The following GH1 variants were observed in gnomAD, a reference collection of about 807,000 sequenced individuals.
GH1 encodes the protein growth hormone 1, also known as somatotropin.
A neutral mutation model predicts 24.5 loss-of-function variants in GH1; 13 were observed. That is an observed-to-expected ratio of 0.53 (90% CI 0.35 to 0.85). GH1 has a LOEUF of 0.85. Ranked by LOEUF, GH1 falls within the 40% of genes least tolerant of loss-of-function variation. The pLI is 0.01. For missense variants in GH1, 294 were observed against 273.2 expected, an observed-to-expected ratio of 1.08 and a Z score of -0.54; for synonymous variants, 126 against 116.3, an observed-to-expected ratio of 1.08 and a Z score of -0.54.
chr17:63,918,143 G>A lies in GH1; in HGVS notation c.172-7C>T, dbSNP rs1907479539. 1.2e-6 allele frequency: 2 copies of A among 1,614,120 alleles called. No individual in the cohort carries two copies. The highest frequency in any genetic ancestry group is 1.7e-6 in the Non-Finnish European group (2 of 1,180,024). On this transcript the variant is annotated splice_polypyrimidine_tract_variant and splice_region_variant and intron_variant, in intron 2 of 4. Transcript: ENST00000323322. ...TTGGGATATAGGCTTCTTCCTAGGA[G>A]AAGGACCGCCCACCAAGGTCTACGC...
intron 4 of GH1, 58 bp from the exon 5 acceptor site, chr17:63,917,564 T>C: frequency 6.2e-7 from 1 of 1,613,916 alleles, no homozygotes; most frequent in Non-Finnish European, 8.5e-7. Context: ...TCCCTCCCTT[T>C]CTCATTCATT....
rs1321094338 is a variant in GH1, at chr17:63,918,418, G to C, written c.99C>G (p.Ser33=). 2.5e-6 allele frequency: 4 copies of C among 1,614,070 alleles called. No individual in the cohort carries two copies. The highest frequency in any genetic ancestry group is 3.4e-6 in the Non-Finnish European group (4 of 1,180,042). ...GGAGCATAGCGTTGTCAAAAAGCCTGGATAAGGGAATGGTTGGGAAGGCAC... is the reference window on the plus strand; with the variant it reads ...GGAGCATAGCGTTGTCAAAAAGCCTCGATAAGGGAATGGTTGGGAAGGCAC... ...EGSAFPTIPL[S]RLFDNAMLRA... The change falls in exon 2 of 5, where the codon TCC becomes TCG. Residue 33 remains serine (S), a synonymous_variant. Coordinates refer to ENST00000323322, the MANE Select transcript of GH1 (RefSeq NM_000515.5).
Position 63,917,276 on chromosome 17 carries a change from T to G in GH1, c.*33A>C. The G allele has an allele frequency of 2.5e-6, 4 of 1,613,948 alleles. No individual in the cohort carries two copies. The highest frequency in any genetic ancestry group is 3.4e-6 in the Non-Finnish European group (4 of 1,179,866). Reference sequence around the variant, plus strand: ...CAACTTCCAGGGCCAGGAGAGGCACTGGGGAGGGGTCACAGGGATGCCACC... The same window carrying G: ...CAACTTCCAGGGCCAGGAGAGGCACGGGGGAGGGGTCACAGGGATGCCACC... On this transcript the variant is annotated 3_prime_UTR_variant, in exon 5 of 5. Transcript: ENST00000323322.
At chr17:63,918,172 A>G (rs1217777242) in intron 2 of GH1, 36 bp from the exon 3 acceptor site, 20 of 1,614,140 alleles carry the variant, frequency 1.2e-5, no homozygotes, top group Non-Finnish European at 1.7e-5. Flanking sequence ...TCTACGCTGG[A>G]GACCAGCTCC....
rs1296382643 is a variant in GH1, at chr17:63,917,277, G to A, written c.*32C>T. 1 of 1,613,954 alleles carries A rather than the reference G, an allele frequency of 6.2e-7. No individual in the cohort carries two copies. The highest frequency in any genetic ancestry group is 1.7e-5 in the Admixed American group (1 of 60,018). ...AACTTCCAGGGCCAGGAGAGGCACT[G>A]GGGAGGGGTCACAGGGATGCCACCC... On this transcript the variant is annotated 3_prime_UTR_variant, in exon 5 of 5. Coordinates refer to ENST00000323322, the MANE Select transcript of GH1 (RefSeq NM_000515.5).
At chr17:63,917,992 G>T (rs374293003) in intron 3 of GH1, 25 bp downstream of exon 3, 1 of 1,614,170 alleles carries the variant, frequency 6.2e-7, no homozygotes, top group Admixed American at 1.7e-5. Context: ...CCCCATCCCC[G>T]CCTGGGGAGA....
rs1907469721 is a variant in GH1, at chr17:63,918,042, T to C, written c.266A>G (p.Asn89Ser). Residue 89 changes from asparagine (N) to serine (S), a missense_variant, in exon 3 of 5, where the codon AAC (asparagine) becomes AGC (serine). Transcript: ENST00000323322. ...GGATTTCTGTTGTGTTTCCTCCCTG[T>C]TGGAGGGTGTCGGAATAGACTCTGA... is the stretch of plus-strand genomic sequence containing the variant. ...CFSESIPTPS[N>S]REETQQKSNL... 2 of 1,614,114 alleles carry C rather than the reference T, an allele frequency of 1.2e-6. No individual in the cohort carries two copies. Among genetic ancestry groups the C allele is most frequent in the African/African-American group, 2.7e-5 (2 of 75,026 alleles).
Position 63,917,312 on chromosome 17 carries a change from G to C in GH1, c.651C>G (p.Phe217Leu). ...CACAGGGATGCCACCCGGGCAGCTAGAAGCCACAGCTGCCCTCCACAGAGC... is the reference window on the plus strand; with the variant it reads ...CACAGGGATGCCACCCGGGCAGCTACAAGCCACAGCTGCCCTCCACAGAGC... ...QCRSVEGSCGF is the reference protein window; with the variant it reads ...QCRSVEGSCGL Residue 217 changes from phenylalanine (F) to leucine (L), a missense_variant, in exon 5 of 5, where the codon TTC becomes TTG. Transcript: ENST00000323322. The C allele has an allele frequency of 6.2e-7, 1 of 1,614,078 alleles. No homozygotes were observed. Among genetic ancestry groups the C allele is most frequent in the Non-Finnish European group, 8.5e-7 (1 of 1,179,938 alleles).
Position 63,918,773 on chromosome 17 carries a change from C to T in GH1, c.4G>A (p.Ala2Thr), listed in dbSNP as rs1441638629. The change falls in exon 1 of 5, where the codon GCT becomes ACT. Residue 2 changes from alanine to threonine, a missense_variant. By Grantham distance (58) the Ala-to-Thr change is moderately conservative (BLOSUM62 0). Transcript: ENST00000323322. Reference protein sequence around the residue: MATGSRTSLLLA... With the variant: MTTGSRTSLLLA... Reference sequence around the variant, plus strand: ...GGATTTTAGGGGCGCTTACCTGTAGCCATTGCAGCTAGGTGAGCTGTCCAC... The same window carrying T: ...GGATTTTAGGGGCGCTTACCTGTAGTCATTGCAGCTAGGTGAGCTGTCCAC... The T allele has an allele frequency of 1.6e-5, 26 of 1,613,890 alleles. No individual in the cohort carries two copies. Among genetic ancestry groups the T allele is most frequent in the Non-Finnish European group, 2.1e-5 (25 of 1,179,882 alleles).
In GH1 at chr17:63,918,794, T is replaced by C. The variant is rs1176242310; in HGVS notation, c.-18A>G. ...GTAGCCATTGCAGCTAGGTGAGCTG[T>C]CCACAGGACCCTGAGTGGTTCGGGG... On this transcript the variant is annotated 5_prime_UTR_variant, in exon 1 of 5. Coordinates refer to ENST00000323322, the MANE Select transcript of GH1 (RefSeq NM_000515.5). 7.4e-6 allele frequency: 12 copies of C among 1,613,838 alleles called. No individual in the cohort carries two copies. Among genetic ancestry groups the C allele is most frequent in the African/African-American group, 1.3e-5 (1 of 74,904 alleles).
At chr17:63,918,595 C>T in intron 1 of GH1, 89 bp from the exon 2 acceptor site, 2 of 1,610,884 alleles carry the variant, frequency 1.2e-6, no homozygotes, top group Non-Finnish European at 1.7e-6. Context: ...TTTTCTCTCT[C>T]CATCCCTCCA....
In GH1 at chr17:63,917,304, G is replaced by A; in HGVS notation, c.*5C>T. 1 of 1,614,068 alleles carries A rather than the reference G, an allele frequency of 6.2e-7. No homozygotes were observed. ...GGAGGGGTCACAGGGATGCCACCCG[G>A]GCAGCTAGAAGCCACAGCTGCCCTC... On this transcript the variant is annotated 3_prime_UTR_variant, in exon 5 of 5. Transcript: ENST00000323322.
In GH1 at chr17:63,917,400, A is replaced by G. The variant is rs759813905; in HGVS notation, c.563T>C (p.Leu188Pro). Residue 188 changes from leucine (L) to proline (P), a missense_variant, in exon 5 of 5, where the codon CTG becomes CCG. Coordinates refer to ENST00000323322, the MANE Select transcript of GH1 (RefSeq NM_000515.5). ...CATGTCCTTCCTGAAGCAGTAGAGC[A>G]GCCCGTAGTTCTTGAGTAGTGCGTC... ...NDDALLKNYG[L>P]LYCFRKDMDK... is the part of the protein sequence containing the mutation. 2.5e-6 allele frequency: 4 copies of G among 1,613,988 alleles called. No homozygotes were observed. The highest frequency in any genetic ancestry group is 2.5e-6 in the Non-Finnish European group (3 of 1,179,864).
rs41295039 is a variant in GH1, at chr17:63,917,940, G to C, written c.292-16C>G. 1,049 of 1,613,740 alleles carry C rather than the reference G, an allele frequency of 6.5e-4. 4 individuals carry two copies. The highest frequency in any genetic ancestry group is 3.5e-3 in the Admixed American group (210 of 60,016). On this transcript the variant is annotated splice_polypyrimidine_tract_variant and intron_variant, in intron 3 of 4. Transcript: ENST00000323322. ...GCTCTAGGTTCTGCAGGGGAAGGAC[G>C]GGCATTGGCTGTGCTGCCCGGGGGC...
At chr17:63,918,291 G>A (rs868497326) in intron 2 of GH1, 55 bp downstream of exon 2, 1 of 1,612,394 alleles carries the variant, frequency 6.2e-7, no homozygotes, top group Non-Finnish European at 8.5e-7. Context: ...TCCCAGCGGG[G>A]GAAAGTCACC....
Position 63,917,309 on chromosome 17 carries a change from C to G in GH1, c.654G>C (p.Ter218TyrextTer?). 1.2e-6 allele frequency: 2 copies of G among 1,614,066 alleles called. No individual in the cohort carries two copies. Among genetic ancestry groups the G allele is most frequent in the East Asian group, 2.2e-5 (1 of 44,880 alleles). The change falls in exon 5 of 5, where the codon TAG (stop) becomes TAC (tyrosine). Residue 218 changes from the stop codon to tyrosine, a stop_lost. Transcript: ENST00000323322. ...GGTCACAGGGATGCCACCCGGGCAGCTAGAAGCCACAGCTGCCCTCCACAG... is the reference window on the plus strand; with the variant it reads ...GGTCACAGGGATGCCACCCGGGCAGGTAGAAGCCACAGCTGCCCTCCACAG... Reference protein sequence around the residue: ...CRSVEGSCGF* With the variant: ...CRSVEGSCGFY
At position 63,918,520 on chromosome 17, in the gene GH1, A is replaced by G. The variant is rs41295029; in HGVS notation, c.11-14T>C. On this transcript the variant is annotated splice_polypyrimidine_tract_variant and intron_variant, in intron 1 of 4. Transcript: ENST00000323322. ...ACGTCCGGGAGCCTGGGGAGAAACC[A>G]GAGGGCAACAGAGGGAGCCGGAGAG... The G allele has an allele frequency of 2.1e-4, 336 of 1,613,748 alleles. 2 individuals are homozygous for G. Among genetic ancestry groups the G allele is most frequent in the Middle Eastern group, 8.7e-4 (5 of 5,762 alleles).
Position 63,918,113 on chromosome 17 carries a change from T to G in GH1, c.195A>C (p.Glu65Asp), listed in dbSNP as rs530697485. Residue 65 changes from glutamate (E) to aspartate (D), a missense_variant, in exon 3 of 5, where the codon GAA becomes GAC. Coordinates refer to ENST00000323322, the MANE Select transcript of GH1 (RefSeq NM_000515.5). ...QEFEEAYIPKEQKYSFLQNPQ... is the reference protein window; with the variant it reads ...QEFEEAYIPKDQKYSFLQNPQ... Reference sequence around the variant, plus strand: ...GGTTCTGCAGGAATGAATACTTCTGTTCCTTTGGGATATAGGCTTCTTCCT... The same window carrying G: ...GGTTCTGCAGGAATGAATACTTCTGGTCCTTTGGGATATAGGCTTCTTCCT... 1.8e-5 allele frequency: 29 copies of G among 1,614,140 alleles called. No individual in the cohort carries two copies. In the East Asian group the frequency reaches 2.5e-4, roughly 14 times the overall value.
At chr17:63,917,666 C>A in intron 4 of GH1, 94 bp downstream of exon 4, 11 of 1,614,034 alleles carry the variant, frequency 6.8e-6, no homozygotes, top group Non-Finnish European at 8.5e-6. Context: ...TGGGTCAGGG[C>A]CTGACTGCTA....
Sources: gnomAD v4.1 joint callset for allele counts on GRCh38, gnomAD v4.1.1 for gene constraint, MANE v1.5 for transcripts, NCBI Gene and HGNC (gene_info 2026-07-23, HGNC 2026-07-21) for gene names.